The following TMEM74 variants were observed in gnomAD, a reference collection of about 807,000 sequenced individuals.
TMEM74 encodes the protein transmembrane protein 74.
A neutral mutation model predicts 18.1 loss-of-function variants in TMEM74; 13 were observed. The observed-to-expected ratio is 0.72, with a 90% CI of 0.47 to 1.14. The LOEUF is 1.14. Ranked by LOEUF, TMEM74 falls within the 50% of genes most tolerant of loss-of-function variation. The probability of loss-of-function intolerance (pLI) is 0.00; values close to 1 mark genes in which losing one functional copy is unlikely to be tolerated. For synonymous variants in TMEM74, 159 were observed against 146.6 expected, an observed-to-expected ratio of 1.08 and a Z score of -0.61; for missense variants, 372 against 375.9, an observed-to-expected ratio of 0.99 and a Z score of 0.09.
intron 1 of TMEM74, among the ~76,000 whole-genome samples, chr8:108,769,838 GT>G (rs1814151648): frequency 6.6e-6 from 1 of 151,988 alleles, no homozygotes; most frequent in South Asian, 2.1e-4. Context: ...TAAGATATGT[GT>G]GAATTCCTTT....
chr8:108,701,711 A>G (rs1388287974), intron 1 of TMEM74, among the ~76,000 whole-genome samples: 1 of 152,214 alleles, frequency 6.6e-6, no homozygotes, highest in East Asian at 1.9e-4. Flanking sequence ...CTATGTGAGG[A>G]AAACTGCAAA....
At chr8:108,710,281 T>C (rs1813461786) in intron 1 of TMEM74, among the ~76,000 whole-genome samples, 1 of 152,248 alleles carries the variant, frequency 6.6e-6, no homozygotes. Flanking sequence ...TAGAGAACTA[T>C]AGGGACCATG....
chr8:108,711,449 C>G (rs1345790801), intron 1 of TMEM74, among the ~76,000 whole-genome samples: 1 of 152,202 alleles, frequency 6.6e-6, no homozygotes, highest in South Asian at 2.1e-4. Context: ...CACCTCAGTT[C>G]CTTCTTAACT....
At chr8:108,676,148 C>T (rs1358807783) in intron 1 of TMEM74, among the ~76,000 whole-genome samples, 1 of 152,054 alleles carries the variant, frequency 6.6e-6, no homozygotes, top group Non-Finnish European at 1.5e-5. Flanking sequence ...GACTGGCTGG[C>T]AGAAATGGAA....
chr8:108,715,851 A>C (rs1245245980), intron 1 of TMEM74, among the ~76,000 whole-genome samples: 1 of 152,094 alleles, frequency 6.6e-6, no homozygotes, highest in African/African-American at 2.4e-5. Flanking sequence ...ACAGGTTTGC[A>C]AATATTTATG....
At chr8:108,665,829 T>A (rs975458281) in intron 1 of TMEM74, among the ~76,000 whole-genome samples, 2 of 152,142 alleles carry the variant, frequency 1.3e-5, no homozygotes, top group African/African-American at 4.8e-5. Context: ...GATGGAGAAG[T>A]TGTTCTAAAG....
rs139724411 is a variant in TMEM74, at chr8:108,725,263, A to G, written n.119+62213T>C. ...TTGTTTTGTCTTTATGATAGCTCTT[A>G]GCACTACCAAAACTTTTCTTGCTAT... On this transcript the variant is annotated intron_variant and non_coding_transcript_variant, in intron 1 of 3. Coordinates refer to the TMEM74 transcript ENST00000518838. Among the ~76,000 whole-genome samples, 187 of 152,278 alleles carry G rather than the reference A, an allele frequency of 1.2e-3. 4 individuals carry two copies. The East Asian group carries it at 0.033, about 27-fold the overall frequency.
chr8:108,770,033 T>C (rs971106218), intron 1 of TMEM74, among the ~76,000 whole-genome samples: 1 of 152,136 alleles, frequency 6.6e-6, no homozygotes, highest in African/African-American at 2.4e-5. Flanking sequence ...TAGCTTTTTA[T>C]TGCTGTTTCC....
chr8:108,682,548 C>T (rs143815041), intron 1 of TMEM74, among the ~76,000 whole-genome samples: 5 of 152,112 alleles, frequency 3.3e-5, no homozygotes, highest in Non-Finnish European at 7.4e-5. Flanking sequence ...GCTATATCCA[C>T]AGCATATAGC....
intron 2 of TMEM74, among the ~76,000 whole-genome samples, chr8:108,644,855 A>G (rs1812701509): frequency 6.6e-6 from 1 of 152,162 alleles, no homozygotes; most frequent in African/African-American, 2.4e-5. Context: ...AAAATAATAG[A>G]TGCTGGTGAG....
intron 1 of TMEM74, among the ~76,000 whole-genome samples, chr8:108,677,331 C>T (rs1187419868): frequency 3.9e-5 from 6 of 152,020 alleles, no homozygotes; most frequent in Non-Finnish European, 7.4e-5. Context: ...TTAATACTGA[C>T]TACAAACATA....
At chr8:108,697,428 T>C (rs1450802612) in intron 1 of TMEM74, among the ~76,000 whole-genome samples, 2 of 152,196 alleles carry the variant, frequency 1.3e-5, no homozygotes, top group Non-Finnish European at 2.9e-5. Flanking sequence ...TTTTATTTTA[T>C]GTTTTTGGAG....
At chr8:108,714,587 T>C (rs1813505023) in intron 1 of TMEM74, among the ~76,000 whole-genome samples, 1 of 152,196 alleles carries the variant, frequency 6.6e-6, no homozygotes, top group Non-Finnish European at 1.5e-5. Context: ...TTGGTGGAAA[T>C]GTACATTAGT....
chr8:108,751,931 C>A (rs1260389460), intron 1 of TMEM74, among the ~76,000 whole-genome samples: 1 of 152,032 alleles, frequency 6.6e-6, no homozygotes, highest in Admixed American at 6.6e-5. Context: ...AGGGAACTTG[C>A]CTTACCAGAT....
At chr8:108,713,228 T>C (rs1163127223) in intron 1 of TMEM74, among the ~76,000 whole-genome samples, 1 of 152,084 alleles carries the variant, frequency 6.6e-6, no homozygotes, top group Non-Finnish European at 1.5e-5. Context: ...TATAAGAAGA[T>C]AAGGCCATAG....
chr8:108,767,634 T>A (rs990240175), intron 1 of TMEM74, among the ~76,000 whole-genome samples: 13 of 152,302 alleles, frequency 8.5e-5, no homozygotes, highest in Admixed American at 5.2e-4. Context: ...TTTTATCAAA[T>A]ACTTTGTAAC....
At chr8:108,717,564 G>C (rs1286384724) in intron 1 of TMEM74, among the ~76,000 whole-genome samples, 2 of 152,168 alleles carry the variant, frequency 1.3e-5, no homozygotes, top group Admixed American at 1.3e-4. Context: ...GCTCCAGAGA[G>C]AAACAAAGGG....
rs572670619 is a variant in TMEM74, at chr8:108,782,233, T to C, written c.*1948A>G. Among the ~76,000 whole-genome samples the C allele has an allele frequency of 6.6e-6, 1 of 152,286 alleles. No individual in the cohort carries two copies. Among genetic ancestry groups the C allele is most frequent in the Non-Finnish European group, 1.5e-5 (1 of 68,004 alleles). ...CAGAATATAAAACTTATACCACTGG[T>C]AAGGCAGCCTCAACAAAAATCATGA... is the stretch of plus-strand genomic sequence containing the variant. On this transcript the variant is annotated 3_prime_UTR_variant, in exon 2 of 2. Coordinates refer to ENST00000297459, the MANE Select transcript of TMEM74 (RefSeq NM_153015.3).
chr8:108,611,562 G>A (rs1400345048), intron 2 of TMEM74, among the ~76,000 whole-genome samples: 2 of 152,168 alleles, frequency 1.3e-5, no homozygotes, highest in African/African-American at 2.4e-5. Context: ...TAGTGCTCTT[G>A]CTGGAATGAG....
Sources: gnomAD v4.1 joint callset for allele counts (sites outside exome capture counted in the v4.1 genomes callset) on GRCh38, gnomAD v4.1.1 for gene constraint, MANE v1.5 for transcripts, NCBI Gene and HGNC (gene_info 2026-07-23, HGNC 2026-07-21) for gene names.